The following SNTG1 variants were observed in gnomAD, a reference collection of about 807,000 sequenced individuals.
SNTG1 encodes the protein syntrophin gamma 1.
SNTG1 carries 39 observed loss-of-function variants against 74.7 expected under a neutral mutation model. That is an observed-to-expected ratio of 0.52 (90% CI 0.40 to 0.68). The LOEUF (loss-of-function observed/expected upper bound fraction) is 0.68. Among genes scored for constraint, SNTG1 ranks in the 30% least tolerant of loss-of-function variants. SNTG1 has a pLI of 0.00. For synonymous variants in SNTG1, 254 were observed against 217.1 expected, an observed-to-expected ratio of 1.17 and a Z score of -1.49; for missense variants, 685 against 609.5, an observed-to-expected ratio of 1.12 and a Z score of -1.30.
intron 2 of SNTG1, among the ~76,000 whole-genome samples, chr8:50,304,898 T>A (rs1236381818): frequency 3.9e-5 from 6 of 152,150 alleles, no homozygotes; most frequent in Non-Finnish European, 7.4e-5. Flanking sequence ...TTATTTTTAT[T>A]TTTTATTTCT....
chr8:49,930,124 G>GA (rs1807429575), intron 1 of SNTG1, among the ~76,000 whole-genome samples: 1 of 151,878 alleles, frequency 6.6e-6, no homozygotes, highest in African/African-American at 2.4e-5. Context: ...AAATAGCCAA[G>GA]AAAAAAATAT....
chr8:50,781,474 CT>C (rs1329771607), intron 18 of SNTG1, among the ~76,000 whole-genome samples: 2 of 135,958 alleles, frequency 1.5e-5, no homozygotes, highest in African/African-American at 2.7e-5. Flanking sequence ...TTCTTTGTCT[CT>C]TTTGATCTTT....
chr8:50,509,456 C>T (rs796680105), intron 9 of SNTG1, among the ~76,000 whole-genome samples: 5 of 151,922 alleles, frequency 3.3e-5, no homozygotes, highest in Non-Finnish European at 7.4e-5. Flanking sequence ...TGTGAAGAAA[C>T]TCATCGGTAG....
intron 1 of SNTG1, among the ~76,000 whole-genome samples, chr8:50,075,629 C>T (rs2131035668): frequency 6.6e-6 from 1 of 152,276 alleles, no homozygotes; most frequent in African/African-American, 2.4e-5. Context: ...GGGCCTGCTT[C>T]CTACGCTGTG....
intron 1 of SNTG1, among the ~76,000 whole-genome samples, chr8:50,078,280 T>C (rs574017760): frequency 6.6e-6 from 1 of 152,316 alleles, no homozygotes. Context: ...TTACACTTTA[T>C]GTTCAGTTTG....
chr8:50,749,062 C>A (rs2095561450), intron 17 of SNTG1, among the ~76,000 whole-genome samples: 1 of 151,966 alleles, frequency 6.6e-6, no homozygotes, highest in Admixed American at 6.6e-5. Context: ...AGCTGGGCCT[C>A]CTGTGACAAA....
At chr8:50,304,159 T>G (rs1248405667) in intron 2 of SNTG1, among the ~76,000 whole-genome samples, 1 of 152,038 alleles carries the variant, frequency 6.6e-6, no homozygotes, top group East Asian at 1.9e-4. Context: ...ATCATGGGAG[T>G]GTGTTGCATA....
At chr8:50,242,980 A>G (rs1586819325) in intron 2 of SNTG1, among the ~76,000 whole-genome samples, 1 of 152,090 alleles carries the variant, frequency 6.6e-6, no homozygotes, top group Non-Finnish European at 1.5e-5. Context: ...GTTGAGATCT[A>G]TGAGTTTGTC....
intron 1 of SNTG1, among the ~76,000 whole-genome samples, chr8:50,126,052 A>G (rs2081128201): frequency 6.6e-6 from 1 of 152,148 alleles, no homozygotes; most frequent in African/African-American, 2.4e-5. Context: ...TGAGTACACA[A>G]TGGCTGGTTC....
chr8:50,733,405 T>C (rs913565321), intron 17 of SNTG1, among the ~76,000 whole-genome samples: 9 of 152,050 alleles, frequency 5.9e-5, no homozygotes, highest in African/African-American at 2.2e-4. Context: ...AATGAATGTA[T>C]CTTTTTGATA....
At chr8:50,360,696 G>A (rs978354119) in intron 2 of SNTG1, among the ~76,000 whole-genome samples, 2 of 152,104 alleles carry the variant, frequency 1.3e-5, no homozygotes, top group African/African-American at 4.8e-5. Flanking sequence ...AATTGTAACA[G>A]CACAGTATTT....
At chr8:50,676,263 T>G (rs1481294355) in intron 15 of SNTG1, among the ~76,000 whole-genome samples, 1 of 151,972 alleles carries the variant, frequency 6.6e-6, no homozygotes, top group African/African-American at 2.4e-5. Context: ...CTCCTTCAGG[T>G]ACTCCAGGTT....
chr8:50,006,666 T>C (rs1310946073), intron 1 of SNTG1, among the ~76,000 whole-genome samples: 1 of 152,180 alleles, frequency 6.6e-6, no homozygotes, highest in Non-Finnish European at 1.5e-5. Flanking sequence ...CTATTTATTC[T>C]GAATGGTTTA....
At chr8:50,617,750 A>C (rs1236399961) in intron 13 of SNTG1, among the ~76,000 whole-genome samples, 1 of 152,184 alleles carries the variant, frequency 6.6e-6, no homozygotes, top group African/African-American at 2.4e-5. Context: ...TGGGGGCTGC[A>C]TGCACCAGTA....
At chr8:50,189,594 G>A (rs2083494632) in intron 2 of SNTG1, among the ~76,000 whole-genome samples, 1 of 152,050 alleles carries the variant, frequency 6.6e-6, no homozygotes, top group Non-Finnish European at 1.5e-5. Context: ...TTTGTTCTGT[G>A]GGTAAAGGAT....
intron 17 of SNTG1, among the ~76,000 whole-genome samples, chr8:50,723,642 A>G (rs1463962427): frequency 6.6e-6 from 1 of 152,190 alleles, no homozygotes; most frequent in East Asian, 1.9e-4. Flanking sequence ...TTTATTTTAC[A>G]AAAGTTGGAA....
intron 2 of SNTG1, among the ~76,000 whole-genome samples, chr8:50,246,186 T>A (rs2086390172): frequency 6.7e-6 from 1 of 149,818 alleles, no homozygotes; most frequent in Non-Finnish European, 1.5e-5. Context: ...AAAACTGGAG[T>A]AGAAATATAA....
intron 1 of SNTG1, among the ~76,000 whole-genome samples, chr8:50,084,316 C>T (rs968252585): frequency 1.3e-5 from 2 of 152,006 alleles, no homozygotes; most frequent in Admixed American, 6.6e-5. Flanking sequence ...CAAAGATTAG[C>T]CTGGCATGGT....
chr8:49,995,223 T>A (rs543360855), intron 1 of SNTG1, among the ~76,000 whole-genome samples: 1 of 152,220 alleles, frequency 6.6e-6, no homozygotes, highest in African/African-American at 2.4e-5. Flanking sequence ...CTCAATGGAG[T>A]GTGAAACAGA....
Sources: allele counts gnomAD v4.1 joint callset (sites outside exome capture counted in the v4.1 genomes callset), GRCh38; gene constraint gnomAD v4.1.1; transcripts MANE v1.5; gene names NCBI Gene and HGNC (gene_info 2026-07-23, HGNC 2026-07-21).